The following CD8B2 variants were observed in gnomAD, a reference collection of about 807,000 sequenced individuals.
CD8B2 encodes the protein T-cell surface glycoprotein CD8 beta-2 chain.
In CD8B2, 11 loss-of-function variants were observed where a neutral mutation model predicts 23.7. That is an observed-to-expected ratio of 0.46 (90% CI 0.29 to 0.77). The LOEUF is 0.77. Ranked by LOEUF, CD8B2 falls within the 30% of genes least tolerant of loss-of-function variation. CD8B2 has a pLI of 0.09. For missense variants in CD8B2, 197 were observed against 270.5 expected (o/e 0.73, Z 1.91); for synonymous variants, 90 against 109.3 (o/e 0.82, Z 1.10).
chr2:106,534,399 C>CCAA (rs560596708), intron 5 of CD8B2, among the ~76,000 whole-genome samples: 13 of 152,120 alleles, frequency 8.5e-5, no homozygotes, highest in East Asian at 1.9e-4. Flanking sequence ...AGATCCGATG[C>CCAA]CAACAACAAC....
chr2:106,521,182 T>C (rs1020449008), intron 5 of CD8B2, among the ~76,000 whole-genome samples: 3 of 152,056 alleles, frequency 2.0e-5, no homozygotes, highest in Non-Finnish European at 2.9e-5. Flanking sequence ...TTGGACCAGG[T>C]GTGACGTTTA....
chr2:106,506,135 CAA>C (rs564708073), intron 5 of CD8B2, among the ~76,000 whole-genome samples: 6 of 140,144 alleles, frequency 4.3e-5, no homozygotes, highest in Admixed American at 7.2e-5. Flanking sequence ...AACTCTGTCT[CAA>C]AAAAAAAAAA....
intron 5 of CD8B2, 44 bp downstream of exon 5, chr2:106,504,369 G>A: frequency 6.4e-7 from 1 of 1,554,292 alleles, no homozygotes; most frequent in Non-Finnish European, 8.7e-7. Flanking sequence ...CTCAGCCCCT[G>A]CTGCAGCTTG....
In CD8B2 at chr2:106,497,265, C is replaced by A. The variant is rs1261642705; in HGVS notation, c.493+1003C>A. ...TCCAGCCTGGGTGATAGAGCCAGGC[C>A]CTCTCTCAAAAAAAAGTTTCCAGTT... On this transcript the variant is annotated intron_variant, in intron 3 of 5. Transcript: ENST00000643224. Among the ~76,000 whole-genome samples, 3 of 151,936 alleles carry A rather than the reference C, an allele frequency of 2.0e-5. No individual in the cohort carries two copies. The South Asian group carries it at 6.2e-4, about 31-fold the overall frequency.
At chr2:106,518,402 T>C (rs1433547696) in intron 5 of CD8B2, among the ~76,000 whole-genome samples, 3 of 152,126 alleles carry the variant, frequency 2.0e-5, no homozygotes, top group Admixed American at 6.5e-5. Context: ...AGCTCAGCAA[T>C]ATTAATCCTC....
intron 5 of CD8B2, among the ~76,000 whole-genome samples, chr2:106,529,512 T>C (rs1679964064): frequency 6.6e-6 from 1 of 152,250 alleles, no homozygotes; most frequent in South Asian, 2.1e-4. Flanking sequence ...GATGTCCAGA[T>C]GCCTTCTCTC....
downstream of CD8B2, among the ~76,000 whole-genome samples, chr2:106,514,173 T>C (rs1679687540): frequency 6.8e-6 from 1 of 147,798 alleles, no homozygotes; most frequent in Non-Finnish European, 1.5e-5. Context: ...AGCTTATCAG[T>C]GGGAGAGGGA....
intron 5 of CD8B2, among the ~76,000 whole-genome samples, chr2:106,518,234 T>C (rs1679767342): frequency 6.6e-6 from 1 of 152,228 alleles, no homozygotes; most frequent in Non-Finnish European, 1.5e-5. Context: ...TAATATTTTC[T>C]ACTCTTTCAG....
chr2:106,490,044 C>T (rs1470843938), intron 1 of CD8B2, among the ~76,000 whole-genome samples: 1 of 151,996 alleles, frequency 6.6e-6, no homozygotes, highest in African/African-American at 2.4e-5. Context: ...GAATACGGAT[C>T]CAGTGACCCA....
chr2:106,541,629 ATCTC>A (rs552584216), intron 5 of CD8B2, among the ~76,000 whole-genome samples: 5 of 152,284 alleles, frequency 3.3e-5, no homozygotes, highest in Non-Finnish European at 7.4e-5. Flanking sequence ...GGATTATGAA[ATCTC>A]TCTCTATTAA....
intron 5 of CD8B2, among the ~76,000 whole-genome samples, chr2:106,541,556 G>A (rs971622910): frequency 6.6e-6 from 1 of 152,150 alleles, no homozygotes; most frequent in Non-Finnish European, 1.5e-5. Flanking sequence ...AAACGTCAAA[G>A]GTATGAGGTT....
intron 5 of CD8B2, among the ~76,000 whole-genome samples, chr2:106,540,916 G>A (rs766995094): frequency 1.3e-5 from 2 of 152,176 alleles, no homozygotes; most frequent in African/African-American, 2.4e-5. Flanking sequence ...GACAACTAGC[G>A]GGTGTCTTGA....
At position 106,520,997 on chromosome 2, in the gene CD8B2, C is replaced by CAAA. The variant is rs59626611; in HGVS notation, c.620+16680_620+16682dup. On this transcript the variant is annotated intron_variant, in intron 5 of 5. Coordinates refer to the CD8B2 transcript ENST00000416057. Reference sequence around the variant, plus strand: ...CAACTCTCTCTCTAAGAAAAAATTGCAAAAAAAAAATCATAATGTTTTAAG... The same window carrying CAAA: ...CAACTCTCTCTCTAAGAAAAAATTGCAAAAAAAAAAAAATCATAATGTTTTAAG... Among the ~76,000 whole-genome samples the CAAA allele has an allele frequency of 7.2e-5, 10 of 138,676 alleles. No homozygotes were observed. The East Asian group carries it at 1.5e-3, about 21-fold the overall frequency. The allele number at this position is 138,676 out of a possible 152,430, so 91.0% of individuals were successfully genotyped here. A position where few individuals can be genotyped will look rare whatever the true frequency, so the allele number is the denominator to read the frequency against.
intron 3 of CD8B2, among the ~76,000 whole-genome samples, chr2:106,502,110 A>G (rs1679418427): frequency 6.6e-6 from 1 of 151,888 alleles, no homozygotes; most frequent in Non-Finnish European, 1.5e-5. Context: ...AGCCTGGCCA[A>G]CATGATAAAA....
At chr2:106,525,719 A>G (rs1484178158) in intron 5 of CD8B2, among the ~76,000 whole-genome samples, 1 of 152,186 alleles carries the variant, frequency 6.6e-6, no homozygotes, top group African/African-American at 2.4e-5. Context: ...TAAATAATGT[A>G]TAATATGGCC....
chr2:106,513,528 C>A (rs1422351995), downstream of CD8B2, among the ~76,000 whole-genome samples: 3 of 147,738 alleles, frequency 2.0e-5, no homozygotes, highest in Non-Finnish European at 3.0e-5. Flanking sequence ...GAGGTCTCTG[C>A]GGTTGGGTGA....
downstream of CD8B2, among the ~76,000 whole-genome samples, chr2:106,513,644 G>C (rs1223715720): frequency 6.6e-6 from 1 of 151,656 alleles, no homozygotes; most frequent in South Asian, 2.1e-4. Flanking sequence ...CTGCAAGCCT[G>C]AAGCTGCCTG....
chr2:106,532,507 A>G (rs1199342000), intron 5 of CD8B2, among the ~76,000 whole-genome samples: 1 of 152,250 alleles, frequency 6.6e-6, no homozygotes, highest in Non-Finnish European at 1.5e-5. Flanking sequence ...AAGTAATGGA[A>G]TAAAAGAATG....
chr2:106,498,269 T>C (rs1679337166), intron 3 of CD8B2, among the ~76,000 whole-genome samples: 1 of 152,002 alleles, frequency 6.6e-6, no homozygotes, highest in Non-Finnish European at 1.5e-5. Context: ...TGCCTCAGCC[T>C]CCAGAGTAGC....
Sources: gnomAD v4.1 joint callset for allele counts (sites outside exome capture counted in the v4.1 genomes callset) on GRCh38, gnomAD v4.1.1 for gene constraint, MANE v1.5 for transcripts, NCBI Gene and HGNC (gene_info 2026-07-23, HGNC 2026-07-21) for gene names.